XKR9: variants seen among roughly 807,000 people sequenced by gnomAD.
XKR9 encodes XK-related protein 9.
In XKR9, 32 loss-of-function variants were observed where a neutral mutation model predicts 32.0. The observed-to-expected ratio is 1.00, with a 90% CI of 0.76 to 1.34. The LOEUF is 1.34. Ranked by LOEUF, XKR9 falls within the 40% of genes most tolerant of loss-of-function variation. The pLI is 0.00. For synonymous variants in XKR9, 168 were observed against 143.4 expected, an observed-to-expected ratio of 1.17 and a Z score of -1.22; for missense variants, 546 against 429.7, an observed-to-expected ratio of 1.27 and a Z score of -2.39.
chr8:70,680,383 A>G (rs1409056637), intron 2 of XKR9, among the ~76,000 whole-genome samples: 2 of 152,148 alleles, frequency 1.3e-5, no homozygotes, highest in African/African-American at 4.8e-5. Flanking sequence ...CCTAGATGGA[A>G]TTGCTGGGCC....
At chr8:70,745,176 G>T (rs1025504930) in intron 2 of XKR9, among the ~76,000 whole-genome samples, 4 of 131,200 alleles carry the variant, frequency 3.0e-5, no homozygotes, top group Non-Finnish European at 5.3e-5. Context: ...TAAATGGGAA[G>T]ATCCTGGTCA....
At chr8:70,884,088 G>T in the XKR9 span, among the ~76,000 whole-genome samples, 1 of 152,058 alleles carries the variant, frequency 6.6e-6, no homozygotes, top group Non-Finnish European at 1.5e-5. Flanking sequence ...TCTAATAGGG[G>T]TGTAGTGGTA....
chr8:70,849,656 C>CA, the XKR9 span, among the ~76,000 whole-genome samples: 4 of 151,090 alleles, frequency 2.6e-5, no homozygotes, highest in Admixed American at 6.6e-5. Flanking sequence ...AAAACCTTTC[C>CA]AAAAAAAATC....
chr8:70,767,492 C>CCTT, intron 2 of XKR9, among the ~76,000 whole-genome samples: 1 of 122,624 alleles, frequency 8.2e-6, no homozygotes, highest in South Asian at 2.4e-4. Flanking sequence ...TCTCTCTTTT[C>CCTT]CTTCTTTTTT....
the XKR9 span, among the ~76,000 whole-genome samples, chr8:70,889,534 G>T: frequency 2.0e-5 from 3 of 151,844 alleles, no homozygotes; most frequent in East Asian, 3.9e-4. Context: ...CCAATAGTTA[G>T]TTTTTCAACA....
At chr8:70,792,830 T>A (rs1807781356), downstream of XKR9, among the ~76,000 whole-genome samples, 1 of 152,156 alleles carries the variant, frequency 6.6e-6, no homozygotes, top group African/African-American at 2.4e-5. Flanking sequence ...TCTCAGCCTT[T>A]CTACCGTGTG....
intron 2 of XKR9, among the ~76,000 whole-genome samples, chr8:70,761,064 T>C (rs1007948782): frequency 3.3e-5 from 5 of 152,246 alleles, no homozygotes; most frequent in Admixed American, 6.5e-5. Flanking sequence ...TATGGCTGCA[T>C]AATATTCCAC....
intron 3 of XKR9, 125 bp downstream of exon 3, chr8:70,681,455 T>C: frequency 2.6e-6 from 3 of 1,174,086 alleles, no homozygotes; most frequent in Admixed American, 4.7e-5. Context: ...CAAAGGTTAC[T>C]TGCTCCTCAC....
chr8:71,044,364 A>C, the XKR9 span, among the ~76,000 whole-genome samples: 1 of 152,170 alleles, frequency 6.6e-6, no homozygotes, highest in Non-Finnish European at 1.5e-5. Flanking sequence ...ACGGAGGAGA[A>C]ACAGAACAGC....
At chr8:70,854,461 A>G in the XKR9 span, among the ~76,000 whole-genome samples, 2 of 152,146 alleles carry the variant, frequency 1.3e-5, no homozygotes, top group East Asian at 1.9e-4. Flanking sequence ...ATTTTCTCTC[A>G]TTTTGTAGGT....
chr8:70,959,501 T>C, the XKR9 span, among the ~76,000 whole-genome samples: 1 of 152,248 alleles, frequency 6.6e-6, no homozygotes, highest in African/African-American at 2.4e-5. Flanking sequence ...AGTTTGTTTG[T>C]AATTTAATTA....
intron 2 of XKR9, among the ~76,000 whole-genome samples, chr8:70,787,502 C>T (rs951991708): frequency 4.6e-5 from 7 of 152,014 alleles, no homozygotes; most frequent in Non-Finnish European, 1.0e-4. Flanking sequence ...GGAGAGTGAA[C>T]GGGGTTGCAG....
At chr8:70,992,028 TC>T in the XKR9 span, among the ~76,000 whole-genome samples, 1 of 152,234 alleles carries the variant, frequency 6.6e-6, no homozygotes, top group African/African-American at 2.4e-5. Flanking sequence ...CCTTAGTTCC[TC>T]AGTCTGTAAT....
At chr8:70,894,222 G>A in the XKR9 span, among the ~76,000 whole-genome samples, 1 of 151,868 alleles carries the variant, frequency 6.6e-6, no homozygotes, top group Non-Finnish European at 1.5e-5. Context: ...GGGTTTGACA[G>A]TATACTAGAT....
At chr8:70,705,812 A>G (rs1805699085) in intron 3 of XKR9, among the ~76,000 whole-genome samples, 1 of 152,118 alleles carries the variant, frequency 6.6e-6, no homozygotes, top group African/African-American at 2.4e-5. Flanking sequence ...GGGGAGCAAG[A>G]GTAGAATCAG....
the XKR9 span, among the ~76,000 whole-genome samples, chr8:70,855,349 G>A: frequency 3.9e-5 from 6 of 152,200 alleles, no homozygotes; most frequent in South Asian, 6.2e-4. Flanking sequence ...CTCAGTAGCC[G>A]ATTCAATCAA....
At chr8:70,949,953 T>C in the XKR9 span, among the ~76,000 whole-genome samples, 20 of 152,200 alleles carry the variant, frequency 1.3e-4, no homozygotes, top group Non-Finnish European at 2.9e-4. Flanking sequence ...ACATAGCTAG[T>C]AAGTAGCAGT....
At chr8:70,939,422 C>T in the XKR9 span, among the ~76,000 whole-genome samples, 1 of 151,968 alleles carries the variant, frequency 6.6e-6, no homozygotes, top group South Asian at 2.1e-4. Context: ...TTTGACACTG[C>T]ACAGGTATTT....
At chr8:71,052,335 G>A in the XKR9 span, among the ~76,000 whole-genome samples, 2 of 152,154 alleles carry the variant, frequency 1.3e-5, no homozygotes, top group Non-Finnish European at 2.9e-5. Flanking sequence ...CTGAGTTGGG[G>A]TAAGGCTTTG....
Sources: allele counts gnomAD v4.1 joint callset (sites outside exome capture counted in the v4.1 genomes callset), GRCh38; gene constraint gnomAD v4.1.1; transcripts MANE v1.5; gene names NCBI Gene and HGNC (gene_info 2026-07-23, HGNC 2026-07-21).